The following TMEM182 variants were observed in gnomAD, a reference collection of about 807,000 sequenced individuals.
TMEM182 encodes the protein transmembrane protein 182.
In TMEM182, 20 loss-of-function variants were observed where a neutral mutation model predicts 26.8. The observed-to-expected ratio is 0.75, with a 90% CI of 0.53 to 1.09. The LOEUF (loss-of-function observed/expected upper bound fraction) is 1.09. Among genes scored for constraint, TMEM182 ranks in the 50% least tolerant of loss-of-function variants. The pLI, the probability that TMEM182 is intolerant of heterozygous loss-of-function variation, is 0.00. For synonymous variants in TMEM182, 109 were observed against 102.2 expected (o/e 1.07, Z -0.40); for missense variants, 277 against 275.5 (o/e 1.01, Z -0.04).
rs1312755940 is a variant in TMEM182 at position 102,832,536 on chromosome 2, T to G, written c.326-10876T>G. On this transcript the variant is annotated intron_variant, in intron 3 of 3. Transcript: ENST00000486293. ...ATGCAACTGTGCTCAAGTCCAGCAC[T>G]TAAATAAAAGCCAGAAGAAGTTGGA... Among the ~76,000 whole-genome samples the G allele has an allele frequency of 2.0e-5, 3 of 152,176 alleles. No individual in the cohort carries two copies. The East Asian group carries it at 5.8e-4, about 29-fold the overall frequency.
chr2:102,817,949 C>T (rs942740826), downstream of TMEM182, among the ~76,000 whole-genome samples: 1 of 152,176 alleles, frequency 6.6e-6, no homozygotes, highest in Admixed American at 6.5e-5. Flanking sequence ...TTCAGTTCAA[C>T]ACGTAATTTG....
At chr2:102,821,759 C>T (rs115427066), downstream of TMEM182, among the ~76,000 whole-genome samples, 1,076 of 152,068 alleles carry the variant, frequency 7.1e-3, 13 homozygotes, top group African/African-American at 0.024. Context: ...GAGGCTGAGG[C>T]GGGCAGATCA....
chr2:102,748,848 T>C (rs1303823997), intron 1 of TMEM182, among the ~76,000 whole-genome samples: 1 of 152,232 alleles, frequency 6.6e-6, no homozygotes, highest in East Asian at 1.9e-4. Flanking sequence ...TCATTAAGAT[T>C]GATCTTAAAT....
chr2:102,753,093 T>A (rs1454509431), intron 1 of TMEM182, among the ~76,000 whole-genome samples: 1 of 152,280 alleles, frequency 6.6e-6, no homozygotes, highest in Non-Finnish European at 1.5e-5. Flanking sequence ...AAATTCTGTA[T>A]TAAATGATTT....
intron 1 of TMEM182, among the ~76,000 whole-genome samples, chr2:102,749,582 A>G (rs1336492355): frequency 6.6e-6 from 1 of 152,216 alleles, no homozygotes; most frequent in Non-Finnish European, 1.5e-5. Context: ...ATTTTATGGT[A>G]TATTAGTTAT....
upstream of TMEM182, among the ~76,000 whole-genome samples, chr2:102,757,692 AGTGTTTTATTCT>A (rs1405355257): frequency 6.6e-6 from 1 of 152,186 alleles, no homozygotes; most frequent in Non-Finnish European, 1.5e-5. Flanking sequence ...CTGATGACTC[AGTGTTTTATTCT>A]GTTCTCACGC....
chr2:102,746,682 G>A (rs566442064), intron 1 of TMEM182, among the ~76,000 whole-genome samples: 11 of 152,026 alleles, frequency 7.2e-5, no homozygotes, highest in South Asian at 2.1e-4. Context: ...AACCCCTCCC[G>A]GGTTCAAGCA....
At chr2:102,830,501 C>CT (rs374025620) in intron 3 of TMEM182, among the ~76,000 whole-genome samples, 13 of 150,740 alleles carry the variant, frequency 8.6e-5, no homozygotes, top group East Asian at 1.9e-4. Context: ...ATTCCAAGTG[C>CT]TTTTTTTTTG....
At chr2:102,842,158 C>A (rs967547669) in intron 3 of TMEM182, among the ~76,000 whole-genome samples, 2 of 152,120 alleles carry the variant, frequency 1.3e-5, no homozygotes, top group African/African-American at 4.8e-5. Flanking sequence ...TACTCCCCTC[C>A]CCTGCTCCCC....
intron 1 of TMEM182, among the ~76,000 whole-genome samples, chr2:102,750,716 A>T (rs1679852973): frequency 6.6e-6 from 1 of 152,200 alleles, no homozygotes; most frequent in Non-Finnish European, 1.5e-5. Context: ...GTGGTTTCCA[A>T]CCTGTTTGGA....
intron 2 of TMEM182, 25 bp downstream of exon 2, chr2:102,762,711 C>T: frequency 6.3e-7 from 1 of 1,576,356 alleles, no homozygotes; most frequent in Non-Finnish European, 8.7e-7. Context: ...GCTTTATTTT[C>T]CCTCTTGTCT....
At chr2:102,799,215 G>A (rs2104731033) in intron 4 of TMEM182, among the ~76,000 whole-genome samples, 1 of 152,338 alleles carries the variant, frequency 6.6e-6, no homozygotes, top group African/African-American at 2.4e-5. Context: ...TTGAAGGAAA[G>A]GAACAGAATG....
chr2:102,776,140 T>C (rs1680906537), intron 3 of TMEM182, among the ~76,000 whole-genome samples: 1 of 152,136 alleles, frequency 6.6e-6, no homozygotes, highest in Admixed American at 6.6e-5. Context: ...ACATCTTGCT[T>C]TATCTTGGTA....
In TMEM182 at chr2:102,763,351, T is replaced by C. The variant is rs183421580; in HGVS notation, c.232+665T>C. Among the ~76,000 whole-genome samples, 6 of 152,332 alleles carry C rather than the reference T, an allele frequency of 3.9e-5. No homozygotes were observed. In the East Asian group the frequency reaches 1.2e-3, roughly 29 times the overall value. ...TTTATATTGAATTAATCTTTGAAAA[T>C]CAATTTATTGAAAATAGCTAGCGCT... On this transcript the variant is annotated intron_variant, in intron 2 of 4. Coordinates refer to ENST00000412401, the MANE Select transcript of TMEM182 (RefSeq NM_144632.5).
At chr2:102,806,801 C>T (rs1435778804) in intron 4 of TMEM182, among the ~76,000 whole-genome samples, 3 of 152,110 alleles carry the variant, frequency 2.0e-5, no homozygotes, top group Non-Finnish European at 2.9e-5. Context: ...CTCTATTTTA[C>T]CAATGAAGAA....
Position 102,762,646 on chromosome 2 carries a change from T to A in TMEM182, c.192T>A (p.Ile64=). The A allele has an allele frequency of 2.5e-6, 4 of 1,613,968 alleles. No individual in the cohort carries two copies. Among genetic ancestry groups the A allele is most frequent in the Non-Finnish European group, 3.4e-6 (4 of 1,179,920 alleles). The change falls in exon 2 of 5, where the codon ATT becomes ATA. Residue 64 remains isoleucine, a synonymous_variant. Coordinates refer to ENST00000412401, the MANE Select transcript of TMEM182 (RefSeq NM_144632.5). ...GFFWRCWFNG[I]VEENDSNIWK... is the part of the protein sequence containing the mutation. ...TCTGGAGGTGTTGGTTTAATGGGAT[T>A]GTGGAAGAGAATGACTCCAATATTT...
intron 1 of TMEM182, among the ~76,000 whole-genome samples, chr2:102,747,117 G>A (rs772236825): frequency 3.3e-5 from 5 of 152,164 alleles, no homozygotes; most frequent in Admixed American, 1.3e-4. Context: ...AGTGAAACTC[G>A]GACTGTTTTT....
intron 3 of TMEM182, among the ~76,000 whole-genome samples, chr2:102,824,523 C>T (rs968100009): frequency 5.3e-5 from 8 of 152,082 alleles, no homozygotes; most frequent in African/African-American, 1.7e-4. Flanking sequence ...TCTGCTCTGG[C>T]CATGTAAGAT....
chr2:102,783,735 T>C (rs1558769710), intron 3 of TMEM182, among the ~76,000 whole-genome samples: 1 of 152,060 alleles, frequency 6.6e-6, no homozygotes, highest in African/African-American at 2.4e-5. Context: ...TGAGCTATGA[T>C]CATGCCTGTG....
Sources: allele counts gnomAD v4.1 joint callset (sites outside exome capture counted in the v4.1 genomes callset), GRCh38; gene constraint gnomAD v4.1.1; transcripts MANE v1.5; gene names NCBI Gene and HGNC (gene_info 2026-07-23, HGNC 2026-07-21).